The following UNC5D variants were observed in gnomAD, a reference collection of about 807,000 sequenced individuals.
UNC5D encodes unc-5 netrin receptor D.
Under a neutral mutation model 105.4 loss-of-function variants are expected in UNC5D, and 39 were observed. That is an observed-to-expected ratio of 0.37 (90% CI 0.29 to 0.48). UNC5D has a LOEUF of 0.48. Ranked by LOEUF, UNC5D falls within the 20% of genes least tolerant of loss-of-function variation. The probability of loss-of-function intolerance (pLI) is 0.98; values close to 1 mark genes in which losing one functional copy is unlikely to be tolerated. For synonymous variants in UNC5D, 452 were observed against 450.4 expected (o/e 1.00, Z -0.04); for missense variants, 991 against 1,202.4 (o/e 0.82, Z 2.60).
At chr8:35,583,755 C>A (rs1818602388) in intron 3 of UNC5D, among the ~76,000 whole-genome samples, 1 of 152,110 alleles carries the variant, frequency 6.6e-6, no homozygotes, top group Non-Finnish European at 1.5e-5. Context: ...ATGGCTTTTC[C>A]TGTTGAAGAT....
At chr8:35,284,480 G>A (rs921321758) in intron 1 of UNC5D, among the ~76,000 whole-genome samples, 5 of 152,092 alleles carry the variant, frequency 3.3e-5, no homozygotes, top group African/African-American at 1.2e-4. Context: ...CATTATCACT[G>A]GCATATAAAC....
intron 4 of UNC5D, among the ~76,000 whole-genome samples, chr8:35,680,712 T>C (rs1351516100): frequency 6.6e-6 from 1 of 152,186 alleles, no homozygotes; most frequent in Non-Finnish European, 1.5e-5. Context: ...CAGCTTTTCT[T>C]GATTTCCAGG....
At position 35,709,150 on chromosome 8, in the gene UNC5D, C is replaced by T. The variant is rs117533999; in HGVS notation, c.1117+3189C>T. Among the ~76,000 whole-genome samples the T allele has an allele frequency of 3.9e-3, 587 of 152,114 alleles. 4 individuals carry two copies. The highest frequency in any genetic ancestry group is 3.9e-3 in the East Asian group (20 of 5,172). ...ACCCATCCCTTCTTTCCTTCAGCAA[C>T]TTACTGAGTGCTGACCTTATGCTAG... On this transcript the variant is annotated intron_variant, in intron 8 of 16. Transcript: ENST00000404895.
chr8:35,595,844 C>A (rs561947109), intron 4 of UNC5D, among the ~76,000 whole-genome samples, 187 bp downstream of exon 4: 1 of 152,296 alleles, frequency 6.6e-6, no homozygotes, highest in East Asian at 1.9e-4. Flanking sequence ...ACTTGTCTCC[C>A]ATCTACTTCT....
chr8:35,248,870 A>G (rs1158569826), intron 1 of UNC5D, among the ~76,000 whole-genome samples: 1 of 91,758 alleles, frequency 1.1e-5, no homozygotes, highest in Non-Finnish European at 1.8e-5. Context: ...ATAATAATAT[A>G]AAAATATATA....
intron 7 of UNC5D, 85 bp downstream of exon 7, chr8:35,686,794 G>A: frequency 1.4e-6 from 2 of 1,470,180 alleles, no homozygotes; most frequent in Non-Finnish European, 1.8e-6. Context: ...CCATTAATGT[G>A]GTTAAATAAG....
rs560755031 is a variant in UNC5D at position 35,691,425 on chromosome 8, T to G, written c.1084+4716T>G. On this transcript the variant is annotated intron_variant, in intron 7 of 16. Transcript: ENST00000404895. ...TCACTTGAGCCCAGGAGATCGAGGCTGCAGTGAGCTATGATTGCTCCACTG... is the reference window on the plus strand; with the variant it reads ...TCACTTGAGCCCAGGAGATCGAGGCGGCAGTGAGCTATGATTGCTCCACTG... Among the ~76,000 whole-genome samples the G allele has an allele frequency of 1.2e-4, 18 of 152,310 alleles. No individual in the cohort carries two copies. In the East Asian group the frequency reaches 3.5e-3, roughly 29 times the overall value.
chr8:35,378,655 C>G (rs901373115), intron 1 of UNC5D, among the ~76,000 whole-genome samples: 4 of 152,168 alleles, frequency 2.6e-5, no homozygotes, highest in Non-Finnish European at 1.5e-5. Context: ...AGCCATGTGG[C>G]CACACAGACA....
At chr8:35,335,296 G>T (rs1335057839) in intron 1 of UNC5D, among the ~76,000 whole-genome samples, 1 of 152,198 alleles carries the variant, frequency 6.6e-6, no homozygotes, top group Non-Finnish European at 1.5e-5. Context: ...TAAATAACCA[G>T]AAATAGAATG....
At chr8:35,332,840 A>G (rs1378513199) in intron 1 of UNC5D, among the ~76,000 whole-genome samples, 1 of 152,186 alleles carries the variant, frequency 6.6e-6, no homozygotes, top group Non-Finnish European at 1.5e-5. Flanking sequence ...TGCTGGGGAC[A>G]AAGAAGATAA....
chr8:35,629,461 A>G (rs1821900905), intron 4 of UNC5D, among the ~76,000 whole-genome samples: 1 of 152,134 alleles, frequency 6.6e-6, no homozygotes, highest in Non-Finnish European at 1.5e-5. Flanking sequence ...GCATTTTCTC[A>G]ATGTAGTCGC....
rs560341533 is a variant in UNC5D at position 35,468,313 on chromosome 8, G to A, written c.104-80979G>A. On this transcript the variant is annotated intron_variant, in intron 1 of 16. Transcript: ENST00000404895. The stretch of plus-strand genomic sequence containing the variant: ...ACTAGCTCTCTTTTACCACTTTATA[G>A]GATTCTCTGTTTGCCTGCACTCTTT... 5.3e-5 allele frequency among the ~76,000 whole-genome samples: 8 copies of A among 152,088 alleles called. No individual in the cohort carries two copies. In the East Asian group the frequency reaches 1.2e-3, roughly 22 times the overall value.
chr8:35,319,041 A>C (rs1809513495), intron 1 of UNC5D, among the ~76,000 whole-genome samples: 1 of 152,112 alleles, frequency 6.6e-6, no homozygotes, highest in Non-Finnish European at 1.5e-5. Context: ...AGAAAAAAGA[A>C]AGGATTCCAT....
intron 1 of UNC5D, among the ~76,000 whole-genome samples, chr8:35,412,524 C>T (rs1805243341): frequency 6.6e-6 from 1 of 151,250 alleles, no homozygotes; most frequent in South Asian, 2.1e-4. Flanking sequence ...TTCCTAAATA[C>T]CACAGGTTCT....
intron 1 of UNC5D, among the ~76,000 whole-genome samples, chr8:35,402,386 T>C (rs1031045061): frequency 7.2e-5 from 11 of 152,036 alleles, no homozygotes; most frequent in African/African-American, 2.7e-4. Flanking sequence ...GCTTCCCTTA[T>C]TTATAAAACC....
intron 3 of UNC5D, among the ~76,000 whole-genome samples, chr8:35,579,328 A>G (rs1163583002): frequency 6.6e-6 from 1 of 152,206 alleles, no homozygotes; most frequent in Non-Finnish European, 1.5e-5. Context: ...AGTATCAGGC[A>G]TCCATGGGTA....
intron 4 of UNC5D, among the ~76,000 whole-genome samples, chr8:35,632,694 A>T (rs553123809): frequency 1.3e-5 from 2 of 152,086 alleles, no homozygotes; most frequent in African/African-American, 4.8e-5. Flanking sequence ...GGTCAGTCCA[A>T]TGGCACACTT....
At chr8:35,569,281 G>A (rs1386686287) in intron 3 of UNC5D, among the ~76,000 whole-genome samples, 1 of 152,142 alleles carries the variant, frequency 6.6e-6, no homozygotes, top group Non-Finnish European at 1.5e-5. Context: ...TTGTGTGCCT[G>A]GGATGGTAAA....
intron 8 of UNC5D, among the ~76,000 whole-genome samples, chr8:35,714,801 A>T (rs1288152665): frequency 6.6e-6 from 1 of 152,248 alleles, no homozygotes; most frequent in Non-Finnish European, 1.5e-5. Flanking sequence ...ATGTAGCAGT[A>T]GGGAGGTAGT....
Sources: allele counts gnomAD v4.1 joint callset (sites outside exome capture counted in the v4.1 genomes callset), GRCh38; gene constraint gnomAD v4.1.1; transcripts MANE v1.5; gene names NCBI Gene and HGNC (gene_info 2026-07-23, HGNC 2026-07-21).